The following CDH13 variants were observed in gnomAD, a reference collection of about 807,000 sequenced individuals.
CDH13 encodes the protein cadherin 13.
Under a neutral mutation model 63.8 loss-of-function variants are expected in CDH13, and 24 were observed. The ratio of observed to expected loss-of-function variants is 0.38; its 90% confidence interval spans 0.27 to 0.53. The LOEUF (loss-of-function observed/expected upper bound fraction) is 0.53, where lower values mean the gene tolerates loss of function less well. Ranked by LOEUF, CDH13 falls within the 20% of genes least tolerant of loss-of-function variation. The pLI is 0.85. For synonymous variants in CDH13, 503 were observed against 355.3 expected (o/e 1.42, Z -4.67); for missense variants, 1,049 against 903.1 (o/e 1.16, Z -2.07).
At chr16:83,179,481 T>TGAAAAAAAAAAAAAAA (rs1555508652) in intron 4 of CDH13, among the ~76,000 whole-genome samples, 5 of 69,096 alleles carry the variant, frequency 7.2e-5, no homozygotes, top group African/African-American at 2.8e-4. Context: ...CCGTCTCTAC[T>TGAAAAAAAAAAAAAAA]AAAAAAAAAA....
At chr16:83,143,369 A>G (rs1276155404) in intron 4 of CDH13, among the ~76,000 whole-genome samples, 4 of 152,208 alleles carry the variant, frequency 2.6e-5, no homozygotes, top group Non-Finnish European at 5.9e-5. Context: ...ATAAATGAAT[A>G]TGTATTCATA....
chr16:83,174,521 A>G (rs1259643175), intron 4 of CDH13, among the ~76,000 whole-genome samples: 2 of 152,056 alleles, frequency 1.3e-5, no homozygotes, highest in African/African-American at 2.4e-5. Flanking sequence ...GACCATAAAG[A>G]GGACCCTTTA....
chr16:82,654,299 C>T lies in CDH13; in HGVS notation c.45+27162C>T, dbSNP rs531904639. Among the ~76,000 whole-genome samples the T allele has an allele frequency of 9.9e-5, 15 of 152,184 alleles. No individual in the cohort carries two copies. In the South Asian group the frequency reaches 1.7e-3, roughly 17 times the overall value. On this transcript the variant is annotated intron_variant, in intron 1 of 13. Coordinates refer to ENST00000567109, the MANE Select transcript of CDH13 (RefSeq NM_001257.5). ...GTGGTCTTGGTTTCTTATTCAAGGTCGGTTTCCCAACTCTCATAGCATCAG... is the reference window on the plus strand; with the variant it reads ...GTGGTCTTGGTTTCTTATTCAAGGTTGGTTTCCCAACTCTCATAGCATCAG...
chr16:83,227,762 G>A (rs932766056), intron 5 of CDH13, among the ~76,000 whole-genome samples: 2 of 152,160 alleles, frequency 1.3e-5, no homozygotes, highest in Admixed American at 6.5e-5. Context: ...CATAGAGCCA[G>A]CGTCCACGCC....
chr16:83,453,579 G>A (rs8054633), intron 6 of CDH13, among the ~76,000 whole-genome samples: 151,104 of 152,200 alleles, frequency 0.99, 75,014 homozygotes, highest in Middle Eastern at 1. Flanking sequence ...CCTACAATAC[G>A]AAGTGGACGG....
chr16:83,006,124 C>G (rs1484691139), intron 2 of CDH13, among the ~76,000 whole-genome samples: 1 of 152,180 alleles, frequency 6.6e-6, no homozygotes, highest in Non-Finnish European at 1.5e-5. Flanking sequence ...TCTCCTTTAA[C>G]TCAAAGCTTT....
At chr16:83,357,890 C>T (rs1429850942) in intron 6 of CDH13, among the ~76,000 whole-genome samples, 1 of 152,136 alleles carries the variant, frequency 6.6e-6, no homozygotes, top group Non-Finnish European at 1.5e-5. Context: ...ACATGGAGCT[C>T]GTTTTAACAG....
intron 2 of CDH13, among the ~76,000 whole-genome samples, chr16:83,005,882 A>G (rs1273462487): frequency 6.6e-6 from 1 of 152,262 alleles, no homozygotes; most frequent in South Asian, 2.1e-4. Context: ...TTCACTGATA[A>G]TGAGTAAATC....
chr16:83,325,563 A>T (rs1454348014), intron 5 of CDH13, among the ~76,000 whole-genome samples: 1 of 152,180 alleles, frequency 6.6e-6, no homozygotes, highest in Admixed American at 6.5e-5. Context: ...CAGTAGATAC[A>T]TGAATGAGCA....
rs908263299 is a variant in CDH13 at position 83,171,589 on chromosome 16, A to C, written c.484-45756A>C. ...TGAGATAAGTGCACAGGAAATTTTG[A>C]AATATCTGTGTCTCTATCTTCATTT... On this transcript the variant is annotated intron_variant, in intron 4 of 13. Transcript: ENST00000567109. 3.9e-6 allele frequency: 6 copies of C among 1,525,176 alleles called. No individual in the cohort carries two copies. In the African/African-American group the frequency reaches 6.9e-5, roughly 17 times the overall value. 94.5% of individuals were successfully genotyped at this position (1,525,176 alleles called of 1,614,324 possible). A position where few individuals can be genotyped will look rare whatever the true frequency, so the allele number is the denominator to read the frequency against.
At chr16:83,562,256 A>T (rs928255791) in intron 7 of CDH13, among the ~76,000 whole-genome samples, 6 of 152,188 alleles carry the variant, frequency 3.9e-5, no homozygotes, top group African/African-American at 1.2e-4. Context: ...TGATTGTGTT[A>T]GTGCATCAGG....
rs914304551 is a variant in CDH13, at chr16:83,502,480, C to T, written c.960+15825C>T. ...GCCCACTGAGACCCACTTTGGACTC[C>T]TGTCCTGAAGTGTAAGAGAATAAAG... is the stretch of plus-strand genomic sequence containing the variant. On this transcript the variant is annotated intron_variant, in intron 7 of 13. Transcript: ENST00000567109. Among the ~76,000 whole-genome samples, 38 of 152,190 alleles carry T rather than the reference C, an allele frequency of 2.5e-4. 1 individual carries two copies. Among genetic ancestry groups the T allele is most frequent in the Non-Finnish European group, 2.2e-4 (15 of 68,042 alleles).
At chr16:82,837,970 CT>C (rs1379071617) in intron 1 of CDH13, among the ~76,000 whole-genome samples, 1 of 152,216 alleles carries the variant, frequency 6.6e-6, no homozygotes, top group East Asian at 1.9e-4. Context: ...CTTCGTAACT[CT>C]TTTCTGCCCA....
chr16:82,791,398 G>A (rs1015844139), intron 1 of CDH13, among the ~76,000 whole-genome samples: 22 of 152,308 alleles, frequency 1.4e-4, no homozygotes, highest in East Asian at 3.9e-4. Flanking sequence ...TAAAGAAGTA[G>A]TCAAATCATA....
At chr16:83,602,988 G>C (rs1002809583) in intron 8 of CDH13, among the ~76,000 whole-genome samples, 4 of 152,178 alleles carry the variant, frequency 2.6e-5, no homozygotes, top group Non-Finnish European at 5.9e-5. Flanking sequence ...CAGTAGCAAG[G>C]AGGTAAAGCA....
intron 8 of CDH13, among the ~76,000 whole-genome samples, chr16:83,627,236 G>C (rs1235551616): frequency 6.6e-6 from 1 of 152,114 alleles, no homozygotes; most frequent in Non-Finnish European, 1.5e-5. Context: ...GTTGCAGTGA[G>C]CCGAGATTGT....
chr16:82,631,228 G>A (rs139419280), intron 1 of CDH13, among the ~76,000 whole-genome samples: 72 of 152,284 alleles, frequency 4.7e-4, no homozygotes, highest in Non-Finnish European at 9.3e-4. Flanking sequence ...AAAGATGTTT[G>A]TAGACGGTGC....
At chr16:83,081,329 G>A (rs1397016843) in intron 3 of CDH13, among the ~76,000 whole-genome samples, 2 of 152,070 alleles carry the variant, frequency 1.3e-5, no homozygotes, top group Non-Finnish European at 1.5e-5. Context: ...TATTTCAGAG[G>A]CCTACTAGTA....
chr16:83,608,060 A>C (rs1908511215), intron 8 of CDH13, among the ~76,000 whole-genome samples: 1 of 152,256 alleles, frequency 6.6e-6, no homozygotes, highest in African/African-American at 2.4e-5. Flanking sequence ...GCAAGTGATT[A>C]TAAAATTTAA....
Sources: gnomAD v4.1 joint callset for allele counts (sites outside exome capture counted in the v4.1 genomes callset) on GRCh38, gnomAD v4.1.1 for gene constraint, MANE v1.5 for transcripts, NCBI Gene and HGNC (gene_info 2026-07-23, HGNC 2026-07-21) for gene names.